The following SGCZ variants were observed in gnomAD, a reference collection of about 807,000 sequenced individuals.
The protein encoded by SGCZ is sarcoglycan zeta, also known as zeta-sarcoglycan.
Under a neutral mutation model 41.3 loss-of-function variants are expected in SGCZ, and 40 were observed. The ratio of observed to expected loss-of-function variants is 0.97; its 90% CI spans 0.75 to 1.26. SGCZ has a LOEUF of 1.26. SGCZ is among the 50% of genes most tolerant of loss of function. The pLI is 0.00. For missense variants in SGCZ, 552 were observed against 369.8 expected (o/e 1.49, Z -4.04); for synonymous variants, 206 against 137.5 (o/e 1.50, Z -3.49).
At chr8:14,352,085 T>C (rs1803120842) in intron 2 of SGCZ, among the ~76,000 whole-genome samples, 1 of 152,164 alleles carries the variant, frequency 6.6e-6, no homozygotes, top group South Asian at 2.1e-4. Context: ...TATTCTTTAA[T>C]GAAAGTTAGC....
At chr8:14,358,338 C>T (rs755960278) in intron 2 of SGCZ, among the ~76,000 whole-genome samples, 3 of 152,086 alleles carry the variant, frequency 2.0e-5, no homozygotes, top group Non-Finnish European at 1.5e-5. Flanking sequence ...TATTGCACAA[C>T]TAAGTGGCAA....
At chr8:14,687,190 A>ATATT (rs1172472648) in intron 1 of SGCZ, among the ~76,000 whole-genome samples, 1 of 147,030 alleles carries the variant, frequency 6.8e-6, no homozygotes, top group Non-Finnish European at 1.5e-5. Flanking sequence ...ATATATATAT[A>ATATT]TTTTAATTTT....
intron 1 of SGCZ, among the ~76,000 whole-genome samples, chr8:14,975,076 G>A (rs1801420811): frequency 6.6e-6 from 1 of 152,168 alleles, no homozygotes; most frequent in Middle Eastern, 3.4e-3. Flanking sequence ...GGAGGCCGAG[G>A]CAGGCAGATC....
chr8:14,795,959 G>T (rs1801114114), intron 1 of SGCZ, among the ~76,000 whole-genome samples: 1 of 152,090 alleles, frequency 6.6e-6, no homozygotes, highest in African/African-American at 2.4e-5. Context: ...GTTTTCTAAG[G>T]ATAATGGCCT....
In SGCZ at chr8:14,831,816, G is replaced by GTATATATGTGTA. The variant is rs1251135314; in HGVS notation, c.40-276891_40-276890insTACACATATATA. Among the ~76,000 whole-genome samples the GTATATATGTGTA allele has an allele frequency of 7.1e-3, 16 of 2,262 alleles. No individual in the cohort carries two copies. In the East Asian group the frequency reaches 0.15, roughly 21 times the overall value. 1.5% of individuals were successfully genotyped at this position (2,262 alleles called of 152,430 possible). A position where few individuals can be genotyped will look rare whatever the true frequency, so the allele number is the denominator to read the frequency against. On this transcript the variant is annotated intron_variant, in intron 1 of 7. Coordinates refer to ENST00000382080, the MANE Select transcript of SGCZ (RefSeq NM_139167.4). ...TGTACACATACATGTATATATGTGT[G>GTATATATGTGTA]CACATACATGTATATATGTGTGCAC...
intron 2 of SGCZ, among the ~76,000 whole-genome samples, chr8:14,548,860 T>C (rs1391155541): frequency 6.6e-6 from 1 of 152,274 alleles, no homozygotes. Context: ...TTGATTTCAA[T>C]TCTTAAATGA....
At chr8:14,301,154 G>A (rs531587344) in intron 3 of SGCZ, among the ~76,000 whole-genome samples, 70 of 151,678 alleles carry the variant, frequency 4.6e-4, no homozygotes, top group African/African-American at 1.5e-3. Context: ...ATATGTGCTC[G>A]GTCAATGCAT....
chr8:14,431,791 T>A lies in SGCZ; in HGVS notation c.235-107587A>T, dbSNP rs1032596061. 5.9e-5 allele frequency among the ~76,000 whole-genome samples: 9 copies of A among 152,076 alleles called. No individual in the cohort carries two copies. In the East Asian group the frequency reaches 1.7e-3, roughly 29 times the overall value. On this transcript the variant is annotated intron_variant, in intron 2 of 7. Coordinates refer to ENST00000382080, the MANE Select transcript of SGCZ (RefSeq NM_139167.4). ...TCTTCACAATCTATACATCTGACAA[T>A]GGACTAATATCCAGAATCTACAACC...
chr8:15,045,529 A>G (rs1172114074), intron 1 of SGCZ, among the ~76,000 whole-genome samples: 1 of 152,082 alleles, frequency 6.6e-6, no homozygotes, highest in Non-Finnish European at 1.5e-5. Context: ...TGGGTTTAAG[A>G]TTGAGATTAG....
intron 1 of SGCZ, among the ~76,000 whole-genome samples, chr8:15,133,619 C>T (rs1003634774): frequency 1.2e-4 from 19 of 152,182 alleles, no homozygotes; most frequent in African/African-American, 2.7e-4. Context: ...ACAAAATCTG[C>T]CACATAACCA....
chr8:14,970,120 C>T (rs568475541), intron 1 of SGCZ, among the ~76,000 whole-genome samples: 1 of 152,202 alleles, frequency 6.6e-6, no homozygotes, highest in East Asian at 1.9e-4. Context: ...AGTTTTAATT[C>T]ATCTTTCTCT....
intron 1 of SGCZ, among the ~76,000 whole-genome samples, chr8:14,920,460 G>A (rs1799557276): frequency 6.6e-6 from 1 of 152,166 alleles, no homozygotes; most frequent in African/African-American, 2.4e-5. Context: ...GTTTAATGGA[G>A]TTGGGATAAT....
At chr8:14,278,187 G>A (rs568135934) in intron 3 of SGCZ, among the ~76,000 whole-genome samples, 1 of 151,934 alleles carries the variant, frequency 6.6e-6, no homozygotes, top group Non-Finnish European at 1.5e-5. Flanking sequence ...TCATAAAATT[G>A]CCTACAGTCC....
intron 2 of SGCZ, among the ~76,000 whole-genome samples, chr8:14,485,630 A>G (rs1021628488): frequency 6.6e-6 from 1 of 152,088 alleles, no homozygotes; most frequent in Non-Finnish European, 1.5e-5. Flanking sequence ...TTCCTCTCAT[A>G]GTACATGAGA....
At chr8:14,611,382 G>C (rs1805924578) in intron 1 of SGCZ, among the ~76,000 whole-genome samples, 1 of 152,098 alleles carries the variant, frequency 6.6e-6, no homozygotes, top group Non-Finnish European at 1.5e-5. Flanking sequence ...GTTTCTAGGG[G>C]AAAATGACAC....
chr8:14,188,382 G>C (rs975322180), intron 4 of SGCZ, among the ~76,000 whole-genome samples: 1 of 152,184 alleles, frequency 6.6e-6, no homozygotes, highest in African/African-American at 2.4e-5. Context: ...GAATGGAGCA[G>C]TGATACGTAC....
intron 1 of SGCZ, among the ~76,000 whole-genome samples, chr8:14,662,049 A>T (rs968220040): frequency 2.6e-5 from 4 of 152,206 alleles, no homozygotes; most frequent in African/African-American, 7.2e-5. Context: ...AAATAAGTAG[A>T]AGAAGAAAAA....
At chr8:14,736,758 A>G (rs1272670833) in intron 1 of SGCZ, among the ~76,000 whole-genome samples, 1 of 152,142 alleles carries the variant, frequency 6.6e-6, no homozygotes, top group African/African-American at 2.4e-5. Context: ...TACTTCACCT[A>G]GAATCACAGT....
Position 15,225,608 on chromosome 8 carries a change from G to T in SGCZ, c.39+11977C>A, listed in dbSNP as rs1424619946. On this transcript the variant is annotated intron_variant, in intron 1 of 7. Transcript: ENST00000382080. ...GCTCTGTATCATGGTATATTGTGTT[G>T]CGGAGTGTGGATTATAACGTAAGCA... Among the ~76,000 whole-genome samples the T allele has an allele frequency of 2.6e-5, 4 of 152,248 alleles. 1 individual carries two copies. The highest frequency in any genetic ancestry group is 1.3e-4 in the Admixed American group (2 of 15,288).
Sources: gnomAD v4.1 joint callset for allele counts (sites outside exome capture counted in the v4.1 genomes callset) on GRCh38, gnomAD v4.1.1 for gene constraint, MANE v1.5 for transcripts, NCBI Gene and HGNC (gene_info 2026-07-23, HGNC 2026-07-21) for gene names.